Variants in VTI1A observed in about 807,000 individuals in gnomAD.
VTI1A encodes vesicle transport through interaction with t-SNAREs homolog 1A.
Under a neutral mutation model 34.9 loss-of-function variants are expected in VTI1A, and 22 were observed. The ratio of observed to expected loss-of-function variants is 0.63; its 90% CI spans 0.45 to 0.90. The LOEUF (loss-of-function observed/expected upper bound fraction) is 0.90, where lower values mean the gene tolerates loss of function less well. VTI1A is among the 40% of genes least tolerant of loss of function. The probability of loss-of-function intolerance (pLI) is 0.00; values close to 1 mark genes in which losing one functional copy is unlikely to be tolerated. For synonymous variants in VTI1A, 87 were observed against 97.3 expected (o/e 0.89, Z 0.62); for missense variants, 268 against 275.6 (o/e 0.97, Z 0.20).
At chr10:112,458,275 C>T (rs1013273622) in intron 1 of VTI1A, among the ~76,000 whole-genome samples, 1 of 152,144 alleles carries the variant, frequency 6.6e-6, no homozygotes, top group African/African-American at 2.4e-5. Context: ...TACACCATCT[C>T]AGTTTTGATC....
At chr10:112,501,458 G>T (rs1849230677) in intron 3 of VTI1A, among the ~76,000 whole-genome samples, 1 of 151,870 alleles carries the variant, frequency 6.6e-6, no homozygotes, top group African/African-American at 2.4e-5. Flanking sequence ...ATTCTTAAAA[G>T]ATATTTACAA....
At chr10:112,636,573 A>G (rs1027949007) in intron 5 of VTI1A, among the ~76,000 whole-genome samples, 1 of 152,054 alleles carries the variant, frequency 6.6e-6, no homozygotes, top group Admixed American at 6.6e-5. Context: ...AAAAAAATAT[A>G]TAAAAATTAG....
chr10:112,846,488 G>A, the VTI1A span, among the ~76,000 whole-genome samples: 590 of 151,958 alleles, frequency 3.9e-3, 8 homozygotes, highest in African/African-American at 0.013. Context: ...GCCAGTGGGC[G>A]GGATGTGGTG....
intron 4 of VTI1A, among the ~76,000 whole-genome samples, chr10:112,530,332 T>C (rs969949248): frequency 6.6e-6 from 1 of 152,200 alleles, no homozygotes; most frequent in African/African-American, 2.4e-5. Flanking sequence ...ACATTTTATT[T>C]CTTTGAAAGA....
At chr10:112,830,849 A>ATATATATATATATATATAT in the VTI1A span, among the ~76,000 whole-genome samples, 53 of 33,476 alleles carry the variant, frequency 1.6e-3, 1 homozygote, top group East Asian at 7.4e-3. Flanking sequence ...ATATATATAT[A>ATATATATATATATATATAT]TTTTTTTTTT....
intron 7 of VTI1A, among the ~76,000 whole-genome samples, chr10:112,760,889 C>CAAAAAAAAAAAAAAAAAAA (rs10592117): frequency 1.1e-5 from 1 of 94,264 alleles, no homozygotes; most frequent in Non-Finnish European, 2.3e-5. Flanking sequence ...ACTCCATCTC[C>CAAAAAAAAAAAAAAAAAAA]AAAAAAAAAA....
At chr10:112,544,455 C>G (rs1394883591) in intron 5 of VTI1A, among the ~76,000 whole-genome samples, 1 of 152,174 alleles carries the variant, frequency 6.6e-6, no homozygotes, top group Non-Finnish European at 1.5e-5. Context: ...CCCACCTTGG[C>G]CTCCCAAAGT....
chr10:112,499,220 C>G (rs955882483), intron 3 of VTI1A, among the ~76,000 whole-genome samples: 1 of 152,068 alleles, frequency 6.6e-6, no homozygotes, highest in Non-Finnish European at 1.5e-5. Flanking sequence ...TTGCTAAAGT[C>G]ACACGTGACC....
rs185312712 is a variant in VTI1A at position 112,560,786 on chromosome 10, G to A, written c.427+22456G>A. ...TAATTTTTGTATTTTTAGTAGAGAC[G>A]AGGTTTCACCATGTTGGCCAGGATG... On this transcript the variant is annotated intron_variant, in intron 5 of 7. Coordinates refer to ENST00000393077, the MANE Select transcript of VTI1A (RefSeq NM_145206.4). Among the ~76,000 whole-genome samples the A allele has an allele frequency of 1.8e-3, 276 of 151,922 alleles. 1 individual carries two copies. The highest frequency in any genetic ancestry group is 3.2e-3 in the Admixed American group (49 of 15,232).
intron 5 of VTI1A, among the ~76,000 whole-genome samples, chr10:112,584,394 G>T (rs779407678): frequency 6.6e-6 from 1 of 152,204 alleles, no homozygotes; most frequent in African/African-American, 2.4e-5. Flanking sequence ...AAATACTTCA[G>T]AGGAGGAATG....
At chr10:112,680,474 G>T (rs2133858198) in intron 7 of VTI1A, among the ~76,000 whole-genome samples, 1 of 152,254 alleles carries the variant, frequency 6.6e-6, no homozygotes, top group African/African-American at 2.4e-5. Context: ...CATGTTCTTA[G>T]CAGCATTCTG....
At chr10:112,604,346 CCT>C (rs979670822) in intron 5 of VTI1A, among the ~76,000 whole-genome samples, 1 of 152,164 alleles carries the variant, frequency 6.6e-6, no homozygotes, top group Non-Finnish European at 1.5e-5. Context: ...AGTTACAACA[CCT>C]AACACAAAGT....
rs577044774 is a variant in VTI1A, at chr10:112,504,495, T to G, written c.265-22592T>G. Among the ~76,000 whole-genome samples, 6 of 137,420 alleles carry G rather than the reference T, an allele frequency of 4.4e-5. No individual in the cohort carries two copies. In the East Asian group the frequency reaches 1.6e-3, roughly 36 times the overall value. 90.2% of individuals were successfully genotyped at this position (137,420 alleles called of 152,430 possible). On this transcript the variant is annotated intron_variant, in intron 3 of 7. Transcript: ENST00000393077. ...TCCATATCAATATGTAAAGAGCTTT[T>G]TTATTCTTTTTTTTTTATAGCTTAA...
the VTI1A span, among the ~76,000 whole-genome samples, chr10:112,830,986 ACCACCGGCACGTG>A: frequency 6.6e-6 from 1 of 150,478 alleles, no homozygotes; most frequent in Non-Finnish European, 1.5e-5. Flanking sequence ...AGAAGCTGAG[ACCACCGGCACGTG>A]CCACCATGCC....
At chr10:112,461,579 T>A (rs1224302173) in intron 2 of VTI1A, among the ~76,000 whole-genome samples, 2 of 152,236 alleles carry the variant, frequency 1.3e-5, no homozygotes, top group Non-Finnish European at 2.9e-5. Context: ...ACTACTTTTT[T>A]ATATAAATAC....
At chr10:112,540,435 A>G (rs149262772) in intron 5 of VTI1A, among the ~76,000 whole-genome samples, 4 of 152,288 alleles carry the variant, frequency 2.6e-5, no homozygotes, top group African/African-American at 9.6e-5. Flanking sequence ...AGGCTTGGGA[A>G]CTTCTTGCAG....
Position 112,490,677 on chromosome 10 carries a change from A to G in VTI1A, c.264+26020A>G, listed in dbSNP as rs139238648. Among the ~76,000 whole-genome samples the G allele has an allele frequency of 4.3e-3, 651 of 151,736 alleles. 4 individuals carry two copies. Among genetic ancestry groups the G allele is most frequent in the Middle Eastern group, 0.014 (4 of 292 alleles). On this transcript the variant is annotated intron_variant, in intron 3 of 7. Coordinates refer to ENST00000393077, the MANE Select transcript of VTI1A (RefSeq NM_145206.4). Reference sequence around the variant, plus strand: ...TTTCCTTGATTGGCCCAGAAATAGCAATCAGCTGGGGAGCAGGATGACATG... The same window carrying G: ...TTTCCTTGATTGGCCCAGAAATAGCGATCAGCTGGGGAGCAGGATGACATG...
intron 5 of VTI1A, among the ~76,000 whole-genome samples, chr10:112,621,663 C>T (rs536963118): frequency 1.2e-4 from 18 of 152,270 alleles, no homozygotes; most frequent in African/African-American, 4.3e-4. Flanking sequence ...ACCAGCGTGT[C>T]CCATCCTTCT....
At chr10:112,652,073 A>G (rs913889477) in intron 5 of VTI1A, among the ~76,000 whole-genome samples, 4 of 152,184 alleles carry the variant, frequency 2.6e-5, no homozygotes, top group Non-Finnish European at 5.9e-5. Context: ...CTTCAGGTGA[A>G]AAAAGAAAAA....
Sources: gnomAD v4.1 joint callset for allele counts (sites outside exome capture counted in the v4.1 genomes callset) on GRCh38, gnomAD v4.1.1 for gene constraint, MANE v1.5 for transcripts, NCBI Gene and HGNC (gene_info 2026-07-23, HGNC 2026-07-21) for gene names.